ZNF395: variants seen among roughly 807,000 people sequenced by gnomAD.
The protein encoded by ZNF395 is zinc finger protein 395.
Under a neutral mutation model 57.7 loss-of-function variants are expected in ZNF395, and 20 were observed. That is an observed-to-expected ratio of 0.35 (90% CI 0.24 to 0.50). ZNF395 has a LOEUF of 0.50. Among genes scored for constraint, ZNF395 ranks in the 20% least tolerant of loss-of-function variants. The pLI is 0.97. For missense variants in ZNF395, 606 were observed against 671.2 expected (o/e 0.90, Z 1.07); for synonymous variants, 295 against 275.9 (o/e 1.07, Z -0.69).
At chr8:28,378,680 C>G (rs1425120021) in intron 1 of ZNF395, among the ~76,000 whole-genome samples, 2 of 152,086 alleles carry the variant, frequency 1.3e-5, no homozygotes, top group Non-Finnish European at 2.9e-5. Flanking sequence ...AAGGTAAAGC[C>G]CCTATTCTAT....
chr8:28,351,855 C>G (rs773545900), intron 6 of ZNF395, 48 bp from the exon 7 acceptor site: 1 of 1,504,440 alleles, frequency 6.6e-7, no homozygotes, highest in East Asian at 2.3e-5. Context: ...CTGCCCCCTT[C>G]AAACCCAGCG....
At chr8:28,353,037 G>A in intron 5 of ZNF395, 136 bp downstream of exon 5, 1 of 734,272 alleles carries the variant, frequency 1.4e-6, no homozygotes, top group Non-Finnish European at 2.3e-6. Flanking sequence ...AACAGAAGCA[G>A]CAATAAAAAA....
intron 1 of ZNF395, among the ~76,000 whole-genome samples, chr8:28,364,400 CA>C (rs1801885411): frequency 6.6e-6 from 1 of 152,138 alleles, no homozygotes; most frequent in African/African-American, 2.4e-5. Context: ...CCTGTAATCC[CA>C]AACACTTTGG....
intron 1 of ZNF395, among the ~76,000 whole-genome samples, chr8:28,376,215 T>C (rs1004432525): frequency 3.3e-5 from 5 of 151,518 alleles, no homozygotes; most frequent in African/African-American, 7.3e-5. Context: ...GCTCAATCAA[T>C]CCTCCCACCT....
In ZNF395 at chr8:28,359,614, T is replaced by G. The variant is rs577944255; in HGVS notation, c.451A>C (p.Arg151=). ...AACCTCTTTGGGACATCGATGTTCC[T>G]GGAGACGGGCCTGTAGGCCAGGGCC... is the stretch of plus-strand genomic sequence containing the variant. The part of the protein sequence containing the change: ...AQALAYRPVS[R]NIDVPKRKSD... Residue 151 remains arginine, a synonymous_variant, in exon 3 of 10, where the codon AGG becomes CGG. Transcript: ENST00000344423. The surrounding 1 kb of genome is among the most constrained non-coding windows in gnomAD (Gnocchi z 4.7). 3.1e-6 allele frequency: 5 copies of G among 1,604,102 alleles called. No individual in the cohort carries two copies. In the African/African-American group the frequency reaches 6.7e-5, roughly 21 times the overall value.
intron 1 of ZNF395, among the ~76,000 whole-genome samples, chr8:28,380,014 C>T (rs181185864): frequency 3.9e-5 from 6 of 152,122 alleles, no homozygotes; most frequent in Admixed American, 3.9e-4. Context: ...AACATTTTTC[C>T]CTGTTATTTT....
At chr8:28,349,983 C>A in intron 8 of ZNF395, 81 bp downstream of exon 8, 1 of 1,338,596 alleles carries the variant, frequency 7.5e-7, no homozygotes, top group Non-Finnish European at 9.9e-7. Context: ...GCCCCGTGCC[C>A]AAGGGATGGC....
rs1801788516 is a variant in ZNF395 at position 28,356,997 on chromosome 8, A to G, written c.474-218T>C. Among the ~76,000 whole-genome samples, 2 of 152,132 alleles carry G rather than the reference A, an allele frequency of 1.3e-5. No homozygotes were observed. The highest frequency in any genetic ancestry group is 6.5e-5 in the Admixed American group (1 of 15,270). Reference sequence around the variant, plus strand: ...CTCCCCTTCTTCCTGAGCAGTACCCATTCTGAGTGATGCTTCTAATATTAG... The same window carrying G: ...CTCCCCTTCTTCCTGAGCAGTACCCGTTCTGAGTGATGCTTCTAATATTAG... On this transcript the variant is annotated intron_variant, in intron 3 of 9. Coordinates refer to ENST00000344423, the MANE Select transcript of ZNF395 (RefSeq NM_018660.3). The surrounding 1 kb of genome is among the most constrained non-coding windows in gnomAD (Gnocchi z 4.0).
intron 1 of ZNF395, among the ~76,000 whole-genome samples, chr8:28,372,054 T>A (rs541609826): frequency 6.6e-6 from 1 of 151,164 alleles, no homozygotes; most frequent in Non-Finnish European, 1.5e-5. Context: ...AAAAAAAAAA[T>A]AGTTTTAAAA....
intron 1 of ZNF395, chr8:28,375,119 G>A (rs1355697779): frequency 6.6e-6 from 1 of 152,386 alleles, no homozygotes; most frequent in Non-Finnish European, 1.5e-5. Flanking sequence ...TGCACAGGTA[G>A]CTCATGCCTG....
At chr8:28,386,172 C>T (rs1292283269) in intron 1 of ZNF395, 2 of 149,164 alleles carry the variant, frequency 1.3e-5, no homozygotes, top group African/African-American at 2.4e-5. Flanking sequence ...GGTTGGCGCC[C>T]ACCTGGCCGG....
At chr8:28,365,949 GC>G (rs1229590736) in intron 1 of ZNF395, among the ~76,000 whole-genome samples, 4 of 152,128 alleles carry the variant, frequency 2.6e-5, no homozygotes, top group Non-Finnish European at 5.9e-5. Context: ...ACGTAGGCAC[GC>G]CCCCACACTT....
chr8:28,366,124 GT>G (rs1250419801), intron 1 of ZNF395, among the ~76,000 whole-genome samples: 1 of 152,216 alleles, frequency 6.6e-6, no homozygotes, highest in Admixed American at 6.5e-5. Context: ...GAAGGGTGAA[GT>G]TTGGAGTAAG....
chr8:28,370,650 A>G (rs931921092), intron 1 of ZNF395, among the ~76,000 whole-genome samples: 1 of 152,238 alleles, frequency 6.6e-6, no homozygotes, highest in Non-Finnish European at 1.5e-5. Flanking sequence ...AATCGCAGAC[A>G]GCAGCTGGCA....
chr8:28,385,922 A>C (rs1585869564), intron 1 of ZNF395: 1 of 140,604 alleles, frequency 7.1e-6, no homozygotes, highest in East Asian at 2.2e-4. Flanking sequence ...CCGGCCCGAC[A>C]GCCGCGGGCG....
chr8:28,366,139 C>G (rs1355677724), intron 1 of ZNF395, among the ~76,000 whole-genome samples: 1 of 152,110 alleles, frequency 6.6e-6, no homozygotes, highest in African/African-American at 2.4e-5. Context: ...GAGTAAGACT[C>G]CTATTTGCAA....
At chr8:28,370,181 CAAAAT>C (rs1801960307) in intron 1 of ZNF395, among the ~76,000 whole-genome samples, 2 of 150,348 alleles carry the variant, frequency 1.3e-5, no homozygotes, top group Admixed American at 1.3e-4. Context: ...TTAGATAAGT[CAAAAT>C]AAAATATGTT....
chr8:28,373,491 G>A (rs577747717), intron 1 of ZNF395, among the ~76,000 whole-genome samples: 26 of 142,692 alleles, frequency 1.8e-4, no homozygotes, highest in African/African-American at 5.1e-4. Context: ...AACGCCTCAC[G>A]CTTTGCTTGA....
Position 28,353,249 on chromosome 8 carries a change from G to A in ZNF395, c.743C>T (p.Ser248Phe). 7.2e-7 allele frequency: 1 copy of A among 1,394,442 alleles called. No individual in the cohort carries two copies. Among genetic ancestry groups the A allele is most frequent in the Non-Finnish European group, 9.6e-7 (1 of 1,042,318 alleles). The allele number at this position is 1,394,442 out of a possible 1,614,324, so 86.4% of individuals were successfully genotyped here. Residue 248 changes from serine (S) to phenylalanine (F), a missense_variant, in exon 5 of 10, where the codon TCT (serine) becomes TTT (phenylalanine). Physicochemically the swap from Ser to Phe is radical, Grantham distance 155. This residue lies in a region of ZNF395 where 309 missense variants were observed against 374.7 expected (regional missense o/e 0.82). Transcript: ENST00000344423. The part of the protein sequence containing the change: ...SPKYLGDAFG[S>F]PQTDHGFETD... ...CTCAAAGCCATGATCAGTTTGGGGA[G>A]AACCAAAAGCATCCCCCAAATACTT...
Sources: allele counts gnomAD v4.1 joint callset (sites outside exome capture counted in the v4.1 genomes callset), GRCh38; gene constraint gnomAD v4.1.1; regional missense constraint gnomAD v4.1.1; non-coding constraint Gnocchi (gnomAD v3.1); transcripts MANE v1.5; gene names NCBI Gene and HGNC (gene_info 2026-07-23, HGNC 2026-07-21).